The following CUX2 variants were observed in gnomAD, a reference collection of about 807,000 sequenced individuals.
CUX2 encodes homeobox protein cut-like 2.
A neutral mutation model predicts 144.8 loss-of-function variants in CUX2; 40 were observed. The observed-to-expected ratio is 0.28, with a 90% CI of 0.21 to 0.36. The LOEUF (loss-of-function observed/expected upper bound fraction) is 0.36, where lower values mean the gene tolerates loss of function less well. Among genes scored for constraint, CUX2 ranks in the 10% least tolerant of loss-of-function variants. The pLI is 1.00. For missense variants in CUX2, 1,615 were observed against 1,994.0 expected (o/e 0.81, Z 3.62); for synonymous variants, 827 against 875.6 (o/e 0.94, Z 0.98).
rs1251739128 is a variant in CUX2, at chr12:111,312,432, G to A, written c.2002+231G>A. On this transcript the variant is annotated intron_variant, in intron 16 of 21. Coordinates refer to ENST00000261726, the MANE Select transcript of CUX2 (RefSeq NM_015267.4). This position sits in a 1 kb window ranked among gnomAD's most constrained non-coding sequence, Gnocchi z 4.3. Reference sequence around the variant, plus strand: ...ATCTCAACCCTTGGCCAGGCGCAGTGGCTCATGCCTGTAATCCCAGCACTT... The same window carrying A: ...ATCTCAACCCTTGGCCAGGCGCAGTAGCTCATGCCTGTAATCCCAGCACTT... Among the ~76,000 whole-genome samples the A allele has an allele frequency of 6.6e-6, 1 of 152,200 alleles. No homozygotes were observed. The highest frequency in any genetic ancestry group is 1.5e-5 in the Non-Finnish European group (1 of 68,040).
chr12:111,111,287 A>G (rs1031892697), intron 1 of CUX2, among the ~76,000 whole-genome samples: 9 of 151,886 alleles, frequency 5.9e-5, no homozygotes, highest in African/African-American at 2.2e-4. Context: ...GGGTGACAGA[A>G]TGAGACTCTG....
At position 111,295,191 on chromosome 12, in the gene CUX2, C is replaced by T. The variant is rs968974841; in HGVS notation, c.561-142C>T. ...GCAGGACAGCCAGGTGCCTGAATGTCGTGTCTAAGGACTTGCAGAAAGACA... is the reference window on the plus strand; with the variant it reads ...GCAGGACAGCCAGGTGCCTGAATGTTGTGTCTAAGGACTTGCAGAAAGACA... On this transcript the variant is annotated intron_variant, in intron 6 of 21. Coordinates refer to ENST00000261726, the MANE Select transcript of CUX2 (RefSeq NM_015267.4). The surrounding 1 kb of genome is among the most constrained non-coding windows in gnomAD (Gnocchi z 5.0). The T allele has an allele frequency of 1.3e-5, 8 of 615,798 alleles. No individual in the cohort carries two copies. Among genetic ancestry groups the T allele is most frequent in the Non-Finnish European group, 2.2e-5 (8 of 357,934 alleles). 38.1% of individuals were successfully genotyped at this position (615,798 alleles called of 1,614,324 possible).
intron 4 of CUX2, among the ~76,000 whole-genome samples, chr12:111,286,896 G>A (rs1885414920): frequency 6.6e-6 from 1 of 152,086 alleles, no homozygotes; most frequent in African/African-American, 2.4e-5. Flanking sequence ...AATAATTCCT[G>A]GGAATTAGGA....
At chr12:111,196,297 A>C (rs1880242045) in intron 1 of CUX2, among the ~76,000 whole-genome samples, 1 of 152,220 alleles carries the variant, frequency 6.6e-6, no homozygotes, top group African/African-American at 2.4e-5. Flanking sequence ...GGCTGTTGTG[A>C]ATAGCACTGC....
chr12:111,179,775 C>G (rs1303779929), intron 1 of CUX2, among the ~76,000 whole-genome samples: 1 of 151,876 alleles, frequency 6.6e-6, no homozygotes, highest in Non-Finnish European at 1.5e-5. Flanking sequence ...CTCTCGGGTT[C>G]AAGTGGTTCT....
chr12:111,345,831 T>A (rs1361538691), intron 21 of CUX2, among the ~76,000 whole-genome samples: 1 of 144,458 alleles, frequency 6.9e-6, no homozygotes, highest in Non-Finnish European at 1.5e-5. Flanking sequence ...ATAAACAGGC[T>A]GGGTGCGGTG....
In CUX2 at chr12:111,191,337, ATTTATTTATTTT is replaced by A. The variant is rs1264207185; in HGVS notation, c.64-22862_64-22851del. On this transcript the variant is annotated intron_variant, in intron 1 of 21. Transcript: ENST00000261726. Reference sequence around the variant, plus strand: ...TATTTATTTATTTATTTATTTATTTATTTATTTATTTTGAGACAGAGTCTTGCTCTGTCACCC... The same window carrying A: ...TATTTATTTATTTATTTATTTATTTAGAGACAGAGTCTTGCTCTGTCACCC... Among the ~76,000 whole-genome samples the A allele has an allele frequency of 4.4e-3, 651 of 148,552 alleles. 6 individuals carry two copies. Among genetic ancestry groups the A allele is most frequent in the African/African-American group, 0.016 (622 of 39,380 alleles).
intron 4 of CUX2, among the ~76,000 whole-genome samples, chr12:111,269,961 G>A (rs1355256192): frequency 6.6e-6 from 1 of 152,168 alleles, no homozygotes; most frequent in Non-Finnish European, 1.5e-5. Context: ...CGTACCATAC[G>A]AACAGCCCCT....
chr12:111,092,832 T>TTTTTTAA (rs1872621782), intron 1 of CUX2, among the ~76,000 whole-genome samples: 1 of 141,298 alleles, frequency 7.1e-6, no homozygotes, highest in African/African-American at 2.8e-5. Context: ...TTTTTTTTTT[T>TTTTTTAA]AAGAAAAGTT....
At chr12:111,211,777 C>T (rs954948416) in intron 1 of CUX2, among the ~76,000 whole-genome samples, 3 of 151,388 alleles carry the variant, frequency 2.0e-5, no homozygotes, top group African/African-American at 4.9e-5. Context: ...CACAGCTACT[C>T]GGGAGGCTGG....
At chr12:111,328,974 T>TCCCC (rs1454171974) in intron 18 of CUX2, among the ~76,000 whole-genome samples, 1 of 65,342 alleles carries the variant, frequency 1.5e-5, no homozygotes, top group Non-Finnish European at 2.6e-5. Context: ...TCTCTCTCTC[T>TCCCC]CCCCCTCTCT....
At chr12:111,227,189 A>G (rs904045450) in intron 3 of CUX2, among the ~76,000 whole-genome samples, 5 of 152,126 alleles carry the variant, frequency 3.3e-5, no homozygotes, top group African/African-American at 7.2e-5. Context: ...GAACATTACT[A>G]TTTACTCATG....
At chr12:111,109,208 T>G (rs545730199) in intron 1 of CUX2, among the ~76,000 whole-genome samples, 6 of 152,330 alleles carry the variant, frequency 3.9e-5, no homozygotes, top group African/African-American at 1.4e-4. Flanking sequence ...CTGGGCAATT[T>G]TCTCTACAGG....
At chr12:111,335,672 A>T (rs1888320461) in intron 19 of CUX2, among the ~76,000 whole-genome samples, 1 of 152,132 alleles carries the variant, frequency 6.6e-6, no homozygotes, top group African/African-American at 2.4e-5. Flanking sequence ...GTACCACTGC[A>T]CTCCAGCCTG....
At chr12:111,154,354 C>T (rs958731336) in intron 1 of CUX2, among the ~76,000 whole-genome samples, 35 of 152,092 alleles carry the variant, frequency 2.3e-4, no homozygotes, top group Admixed American at 1.2e-3. Flanking sequence ...CACATGTTTG[C>T]GGCAATCTGA....
At chr12:111,090,437 G>A (rs1025721687) in intron 1 of CUX2, among the ~76,000 whole-genome samples, 3 of 152,004 alleles carry the variant, frequency 2.0e-5, no homozygotes, top group Admixed American at 6.5e-5. Context: ...CTAATTTTTT[G>A]TATTTTTAGT....
At chr12:111,074,006 G>T (rs1871381832) in intron 1 of CUX2, among the ~76,000 whole-genome samples, 1 of 151,068 alleles carries the variant, frequency 6.6e-6, no homozygotes, top group Non-Finnish European at 1.5e-5. Context: ...TTCAGTATAA[G>T]TATATCCCAT....
intron 1 of CUX2, among the ~76,000 whole-genome samples, chr12:111,184,569 C>T (rs1879386630): frequency 8.1e-6 from 1 of 123,462 alleles, no homozygotes; most frequent in Non-Finnish European, 1.6e-5. Flanking sequence ...AACCTTCTCT[C>T]TACCAAAAAA....
chr12:111,331,606 G>A (rs902581248), intron 18 of CUX2, among the ~76,000 whole-genome samples: 3 of 151,974 alleles, frequency 2.0e-5, no homozygotes, highest in East Asian at 1.9e-4. Context: ...CTTGCCCCAC[G>A]TTATCTCATG....
Sources: allele counts gnomAD v4.1 joint callset (sites outside exome capture counted in the v4.1 genomes callset), GRCh38; gene constraint gnomAD v4.1.1; non-coding constraint Gnocchi (gnomAD v3.1); transcripts MANE v1.5; gene names NCBI Gene and HGNC (gene_info 2026-07-23, HGNC 2026-07-21).